The following PAN3 variants were observed in gnomAD, a reference collection of about 807,000 sequenced individuals.
The protein encoded by PAN3 is poly(A) specific ribonuclease subunit PAN3.
Under a neutral mutation model 96.2 loss-of-function variants are expected in PAN3, and 19 were observed. The observed-to-expected ratio is 0.20, with a 90% CI of 0.14 to 0.29. The LOEUF (loss-of-function observed/expected upper bound fraction) is 0.29. Among genes scored for constraint, PAN3 ranks in the 10% least tolerant of loss-of-function variants. The pLI, the probability that PAN3 is intolerant of heterozygous loss-of-function variation, is 1.00. For synonymous variants in PAN3, 433 were observed against 406.6 expected, an observed-to-expected ratio of 1.06 and a Z score of -0.78; for missense variants, 882 against 1,108.1, an observed-to-expected ratio of 0.80 and a Z score of 2.90.
chr13:28,168,372 T>G (rs973277677), intron 1 of PAN3, among the ~76,000 whole-genome samples: 1 of 152,138 alleles, frequency 6.6e-6, no homozygotes, highest in Non-Finnish European at 1.5e-5. Context: ...GGTTCCAGAT[T>G]AGGGAAGTAA....
At chr13:28,208,788 T>C (rs1037772206) in intron 5 of PAN3, among the ~76,000 whole-genome samples, 1 of 152,202 alleles carries the variant, frequency 6.6e-6, no homozygotes, top group Admixed American at 6.5e-5. Context: ...GCATTGATTT[T>C]TTTGGTCTGA....
chr13:28,250,612 C>A (rs1566228199), intron 6 of PAN3, among the ~76,000 whole-genome samples: 1 of 152,172 alleles, frequency 6.6e-6, no homozygotes, highest in Non-Finnish European at 1.5e-5. Flanking sequence ...GGTGACCCAC[C>A]CGCCTCGGCC....
At chr13:28,272,111 T>C in intron 14 of PAN3, 40 bp downstream of exon 14, 1 of 1,365,964 alleles carries the variant, frequency 7.3e-7, no homozygotes, top group Non-Finnish European at 1.0e-6. Context: ...TGTTTTCCTT[T>C]ATTAAAGACA....
chr13:28,156,123 G>A (rs942188063), intron 1 of PAN3, among the ~76,000 whole-genome samples: 3 of 152,156 alleles, frequency 2.0e-5, no homozygotes, highest in Non-Finnish European at 4.4e-5. Flanking sequence ...AGTGAAAAGA[G>A]AAGTTGGTTA....
chr13:28,203,165 T>A (rs574544402), intron 5 of PAN3, among the ~76,000 whole-genome samples: 1 of 152,024 alleles, frequency 6.6e-6, no homozygotes, highest in African/African-American at 2.4e-5. Context: ...TTCACCGTGT[T>A]GCCCAGGCTG....
chr13:28,245,672 C>G (rs547477324), intron 6 of PAN3, among the ~76,000 whole-genome samples: 44 of 152,280 alleles, frequency 2.9e-4, no homozygotes, highest in African/African-American at 1.0e-3. Flanking sequence ...ACCAACACTT[C>G]CCGTTTTTCT....
intron 5 of PAN3, among the ~76,000 whole-genome samples, chr13:28,210,299 AT>A (rs1447707322): frequency 6.6e-6 from 1 of 152,140 alleles, no homozygotes; most frequent in African/African-American, 2.4e-5. Flanking sequence ...CTCCATTCTA[AT>A]GTAAAGCTTG....
chr13:28,147,565 C>G (rs990723865), intron 1 of PAN3, among the ~76,000 whole-genome samples: 2 of 152,182 alleles, frequency 1.3e-5, no homozygotes, highest in African/African-American at 4.8e-5. Context: ...CCTGACAGCA[C>G]AGTATACTGT....
Position 28,265,749 on chromosome 13 carries a change from C to T in PAN3, c.1412-966C>T, listed in dbSNP as rs1886110849. On this transcript the variant is annotated intron_variant, in intron 9 of 18. Transcript: ENST00000380958. ...TTTTTTTTTTTTTTTTTTTTTGAGACGGAGTCTCGCTCTGTCGCCCAGGTG... is the reference window on the plus strand; with the variant it reads ...TTTTTTTTTTTTTTTTTTTTTGAGATGGAGTCTCGCTCTGTCGCCCAGGTG... Among the ~76,000 whole-genome samples the T allele has an allele frequency of 1.4e-3, 2 of 1,444 alleles. 1 individual carries two copies. Among genetic ancestry groups the T allele is most frequent in the Non-Finnish European group, 1.7e-3 (2 of 1,186 alleles). The allele number at this position is 1,444 out of a possible 152,430, so 0.9% of individuals were successfully genotyped here.
chr13:28,262,431 G>T (rs1251008015), intron 9 of PAN3, among the ~76,000 whole-genome samples: 1 of 152,200 alleles, frequency 6.6e-6, no homozygotes, highest in Non-Finnish European at 1.5e-5. Context: ...CGTCTAGTGA[G>T]TGTTGTCTCT....
chr13:28,150,222 A>G (rs1289309509), intron 1 of PAN3, among the ~76,000 whole-genome samples: 1 of 152,190 alleles, frequency 6.6e-6, no homozygotes, highest in East Asian at 1.9e-4. Context: ...TCCTTGATAC[A>G]TGATGGGACA....
chr13:28,148,853 GTAAA>G (rs1159307325), intron 1 of PAN3, among the ~76,000 whole-genome samples: 2 of 152,022 alleles, frequency 1.3e-5, no homozygotes, highest in Non-Finnish European at 2.9e-5. Context: ...TCGTGGCTGT[GTAAA>G]TATTCCATTA....
chr13:28,164,998 C>T (rs544753916), intron 1 of PAN3, among the ~76,000 whole-genome samples: 1 of 152,354 alleles, frequency 6.6e-6, no homozygotes, highest in East Asian at 1.9e-4. Context: ...ACCTCTGCCT[C>T]TCAGGTTCAA....
chr13:28,172,213 T>C (rs1874393848), intron 1 of PAN3, among the ~76,000 whole-genome samples: 1 of 152,174 alleles, frequency 6.6e-6, no homozygotes. Flanking sequence ...CCCAACACTT[T>C]GGGAGGCCGA....
intron 1 of PAN3, among the ~76,000 whole-genome samples, chr13:28,167,069 AT>A (rs1198856242): frequency 9.0e-6 from 1 of 111,704 alleles, no homozygotes; most frequent in Admixed American, 8.7e-5. Context: ...TTTTTATTTT[AT>A]TTTTTATCTT....
intron 6 of PAN3, among the ~76,000 whole-genome samples, chr13:28,221,464 A>T (rs1270848162): frequency 6.6e-6 from 1 of 152,222 alleles, no homozygotes; most frequent in Admixed American, 6.5e-5. Flanking sequence ...ATTAGTAAGT[A>T]AATCGTTGAT....
At chr13:28,217,026 A>G (rs1422666021) in intron 5 of PAN3, among the ~76,000 whole-genome samples, 1 of 151,862 alleles carries the variant, frequency 6.6e-6, no homozygotes, top group Non-Finnish European at 1.5e-5. Context: ...AGGCAGGAGA[A>G]TCACTTGAAC....
chr13:28,217,599 A>C (rs911869341), intron 5 of PAN3, among the ~76,000 whole-genome samples: 4 of 108,620 alleles, frequency 3.7e-5, no homozygotes, highest in Non-Finnish European at 8.7e-5. Flanking sequence ...AAAAAAAAAC[A>C]AAAAAAAAAT....
chr13:28,294,618 C>A lies in PAN3; in HGVS notation c.*2096C>A, dbSNP rs1870123866. On this transcript the variant is annotated 3_prime_UTR_variant, in exon 19 of 19. Coordinates refer to ENST00000380958, the MANE Select transcript of PAN3 (RefSeq NM_175854.8). ...AGGGGTTAAAATAGGGCTTGAATTT[C>A]TCATTCTGTATAGACCAGCAAACTT... The A allele has an allele frequency of 6.6e-6, 1 of 152,570 alleles. No homozygotes were observed. The highest frequency in any genetic ancestry group is 2.1e-4 in the South Asian group (1 of 4,830). The allele number at this position is 152,570 out of a possible 1,614,324, so 9.5% of individuals were successfully genotyped here.
Sources: allele counts gnomAD v4.1 joint callset (sites outside exome capture counted in the v4.1 genomes callset), GRCh38; gene constraint gnomAD v4.1.1; transcripts MANE v1.5; gene names NCBI Gene and HGNC (gene_info 2026-07-23, HGNC 2026-07-21).